DYRK1A: variants seen among roughly 807,000 people sequenced by gnomAD.
The protein encoded by DYRK1A is dual specificity tyrosine-phosphorylation-regulated kinase 1A.
In DYRK1A, 9 loss-of-function variants were observed where a neutral mutation model predicts 79.7. That is an observed-to-expected ratio of 0.11 (90% CI 0.07 to 0.20). DYRK1A has a LOEUF of 0.20. DYRK1A is among the 10% of genes least tolerant of loss of function. The pLI is 1.00. For synonymous variants in DYRK1A, 349 were observed against 329.7 expected (o/e 1.06, Z -0.63); for missense variants, 622 against 956.0 (o/e 0.65, Z 4.61).
rs2148670097 is a variant in DYRK1A at position 37,516,922 on chromosome 21, T to C, written c.*4391T>C. On this transcript the variant is annotated 3_prime_UTR_variant, in exon 12 of 12. Coordinates refer to ENST00000647188, the MANE Select transcript of DYRK1A (RefSeq NM_001347721.2). Reference sequence around the variant, plus strand: ...CAACTAGAATGCTACAGGTCTCTCTTCCAGTATGCAGCTGCTGTACCTGAA... The same window carrying C: ...CAACTAGAATGCTACAGGTCTCTCTCCCAGTATGCAGCTGCTGTACCTGAA... 1 of 152,346 alleles carries C rather than the reference T, an allele frequency of 6.6e-6. No homozygotes were observed. The highest frequency in any genetic ancestry group is 2.1e-4 in the South Asian group (1 of 4,826). 9.4% of individuals were successfully genotyped at this position (152,346 alleles called of 1,614,324 possible). A position where few individuals can be genotyped will look rare whatever the true frequency, so the allele number is the denominator to read the frequency against.
chr21:37,396,213 C>G (rs1365604697), intron 1 of DYRK1A, among the ~76,000 whole-genome samples: 1 of 144,352 alleles, frequency 6.9e-6, no homozygotes, highest in African/African-American at 2.5e-5. Context: ...GAAAACGCCT[C>G]TTTTTTTTTT....
chr21:37,483,068 C>A (rs569476057), intron 5 of DYRK1A, among the ~76,000 whole-genome samples: 99 of 152,236 alleles, frequency 6.5e-4, no homozygotes, highest in African/African-American at 2.3e-3. Context: ...CATACATCCT[C>A]CTCAGCTTAC....
At chr21:37,412,883 A>C (rs2050269788) in intron 1 of DYRK1A, among the ~76,000 whole-genome samples, 2 of 152,166 alleles carry the variant, frequency 1.3e-5, no homozygotes, top group Admixed American at 1.3e-4. Context: ...CTAGATATTG[A>C]GTGAAAAGTT....
chr21:37,441,634 A>G (rs2051106478), intron 2 of DYRK1A, among the ~76,000 whole-genome samples: 4 of 152,160 alleles, frequency 2.6e-5, no homozygotes, highest in Non-Finnish European at 5.9e-5. Flanking sequence ...CACTTCACGT[A>G]TAGTGTATTG....
chr21:37,444,789 A>G (rs1601108927), intron 2 of DYRK1A, among the ~76,000 whole-genome samples: 2 of 152,180 alleles, frequency 1.3e-5, no homozygotes, highest in Admixed American at 6.5e-5. Context: ...TCCAGATTGC[A>G]GAAAACTCAC....
intron 1 of DYRK1A, among the ~76,000 whole-genome samples, chr21:37,402,186 AT>A (rs202173009): frequency 0.015 from 2,236 of 152,344 alleles, 43 homozygotes; most frequent in Admixed American, 0.05. Flanking sequence ...CAGTTTTTAA[AT>A]ATAAGTATCC....
intron 2 of DYRK1A, among the ~76,000 whole-genome samples, chr21:37,467,544 T>TATCATTTCAAAAATCA (rs2052072268): frequency 2.0e-5 from 3 of 152,366 alleles, no homozygotes; most frequent in South Asian, 4.1e-4. Context: ...GAAAGTCGTT[T>TATCATTTCAAAAATCA]ATCATTTCAA....
intron 1 of DYRK1A, among the ~76,000 whole-genome samples, chr21:37,383,832 G>A (rs2049706348): frequency 8.7e-6 from 1 of 115,480 alleles, no homozygotes; most frequent in South Asian, 3.1e-4. Context: ...GATAGGTAAT[G>A]GTGTATGTGT....
At chr21:37,453,590 C>T (rs1327536987) in intron 2 of DYRK1A, among the ~76,000 whole-genome samples, 3 of 152,134 alleles carry the variant, frequency 2.0e-5, no homozygotes, top group Non-Finnish European at 2.9e-5. Flanking sequence ...GGGTCTGCAG[C>T]CAGGTAGATG....
intron 2 of DYRK1A, among the ~76,000 whole-genome samples, chr21:37,437,196 G>A (rs1485439694): frequency 1.3e-5 from 2 of 152,084 alleles, no homozygotes; most frequent in African/African-American, 2.4e-5. Flanking sequence ...TAAAAAGTGG[G>A]GGATTTTTGA....
At position 37,392,413 on chromosome 21, in the gene DYRK1A, T is replaced by C. The variant is rs545027691; in HGVS notation, c.-77+24785T>C. On this transcript the variant is annotated intron_variant, in intron 1 of 11. Coordinates refer to ENST00000647188, the MANE Select transcript of DYRK1A (RefSeq NM_001347721.2). ...AAAATTATTATTTGTATTTGAGGCA[T>C]GTCTTGGTCTGTTTGTGCTGCTCTA... Among the ~76,000 whole-genome samples, 4 of 152,378 alleles carry C rather than the reference T, an allele frequency of 2.6e-5. No homozygotes were observed. The East Asian group carries it at 7.7e-4, about 29-fold the overall frequency.
chr21:37,458,272 G>GTC (rs933221839), intron 2 of DYRK1A, among the ~76,000 whole-genome samples: 2 of 142,768 alleles, frequency 1.4e-5, no homozygotes, highest in African/African-American at 5.2e-5. Flanking sequence ...AATTTACTGT[G>GTC]TGTGTGTGTG....
chr21:37,446,258 T>C (rs879449563), intron 2 of DYRK1A, among the ~76,000 whole-genome samples: 4 of 152,228 alleles, frequency 2.6e-5, no homozygotes, highest in Admixed American at 2.6e-4. Flanking sequence ...CATTGCTGTC[T>C]TATTTTAGCC....
At position 37,367,185 on chromosome 21, in the gene DYRK1A, C is replaced by T. The variant is rs2049324561; in HGVS notation, c.-520C>T. 1 of 151,872 alleles carries T rather than the reference C, an allele frequency of 6.6e-6. No individual in the cohort carries two copies. Among genetic ancestry groups the T allele is most frequent in the Admixed American group, 6.6e-5 (1 of 15,262 alleles). 9.4% of individuals were successfully genotyped at this position (151,872 alleles called of 1,614,324 possible). On this transcript the variant is annotated 5_prime_UTR_variant, in exon 1 of 12. Transcript: ENST00000647188. The stretch of plus-strand genomic sequence containing the variant: ...GGGACTCGGGGGCGGGCGGTTCGGG[C>T]TCTCCTGGCGGAGGAGCCGCCGCCG...
At chr21:37,444,926 A>G (rs1049995320) in intron 2 of DYRK1A, among the ~76,000 whole-genome samples, 3 of 152,164 alleles carry the variant, frequency 2.0e-5, no homozygotes, top group Admixed American at 1.3e-4. Flanking sequence ...TACACCGAAC[A>G]TATTTGTAGG....
At chr21:37,397,570 C>T (rs1432479678) in intron 1 of DYRK1A, among the ~76,000 whole-genome samples, 4 of 152,130 alleles carry the variant, frequency 2.6e-5, no homozygotes, top group African/African-American at 9.7e-5. Context: ...CTATAGTTCT[C>T]TTCAGTAAAC....
chr21:37,428,717 A>G (rs763410439), intron 2 of DYRK1A: 1 of 152,112 alleles, frequency 6.6e-6, no homozygotes, highest in Non-Finnish European at 1.5e-5. Flanking sequence ...GTTTTGAATA[A>G]ATTTTGGCTT....
chr21:37,505,040 A>G (rs945886504), intron 9 of DYRK1A: 17 of 443,894 alleles, frequency 3.8e-5, no homozygotes, highest in Middle Eastern at 1.2e-3. Context: ...GGATCAGGCC[A>G]TAGTTTACTG....
Position 37,512,055 on chromosome 21 carries a change from T to G in DYRK1A, c.1789T>G (p.Ser597Ala). Reference protein sequence around the residue: ...NALHHHHGNSSHHHHHHHHHH... With the variant: ...NALHHHHGNSAHHHHHHHHHH... ...ATTGCATCATCACCATGGTAACAGT[T>G]CCCATCACCATCACCACCACCACCA... Residue 597 changes from serine to alanine, a missense_variant, in exon 12 of 12, where the codon TCC (serine) becomes GCC (alanine). Transcript: ENST00000647188. 3 of 1,613,844 alleles carry G rather than the reference T, an allele frequency of 1.9e-6. No homozygotes were observed. Among genetic ancestry groups the G allele is most frequent in the Non-Finnish European group, 2.5e-6 (3 of 1,179,930 alleles).
Sources: gnomAD v4.1 joint callset for allele counts (sites outside exome capture counted in the v4.1 genomes callset) on GRCh38, gnomAD v4.1.1 for gene constraint, MANE v1.5 for transcripts, NCBI Gene and HGNC (gene_info 2026-07-23, HGNC 2026-07-21) for gene names.